Variants in GSE1 observed in about 807,000 individuals in gnomAD.
The protein encoded by GSE1 is genetic suppressor element 1.
Under a neutral mutation model 112.6 loss-of-function variants are expected in GSE1, and 32 were observed. The ratio of observed to expected loss-of-function variants is 0.28; its 90% CI spans 0.21 to 0.38. GSE1 has a LOEUF of 0.38. Among genes scored for constraint, GSE1 ranks in the 10% least tolerant of loss-of-function variants. The pLI is 1.00. For missense variants in GSE1, 2,348 were observed against 1,699.2 expected (o/e 1.38, Z -6.71); for synonymous variants, 1,115 against 735.6 (o/e 1.52, Z -8.35).
At chr16:85,542,596 T>A (rs919410878) in intron 2 of GSE1, among the ~76,000 whole-genome samples, 2 of 152,238 alleles carry the variant, frequency 1.3e-5, no homozygotes, top group Non-Finnish European at 2.9e-5. Context: ...GGAAAGGCTG[T>A]CTTTGGGACA....
chr16:85,227,936 C>T (rs1391010164), intron 1 of GSE1, among the ~76,000 whole-genome samples: 1 of 152,128 alleles, frequency 6.6e-6, no homozygotes, highest in Non-Finnish European at 1.5e-5. Flanking sequence ...AACAGATCAA[C>T]GCAGAGAACC....
intron 1 of GSE1, among the ~76,000 whole-genome samples, chr16:85,191,508 G>A (rs974375428): frequency 6.6e-6 from 1 of 152,198 alleles, no homozygotes; most frequent in Non-Finnish European, 1.5e-5. Context: ...AGTTCAGAGA[G>A]GAATGAAGGA....
At chr16:85,325,976 T>G (rs1020558299) in intron 1 of GSE1, among the ~76,000 whole-genome samples, 25 of 151,794 alleles carry the variant, frequency 1.6e-4, no homozygotes, top group African/African-American at 6.0e-4. Flanking sequence ...CTCGAACTCC[T>G]GACCTCATGA....
At chr16:85,557,347 C>A (rs76254659) in intron 1 of GSE1, among the ~76,000 whole-genome samples, 1 of 152,062 alleles carries the variant, frequency 6.6e-6, no homozygotes, top group Non-Finnish European at 1.5e-5. Flanking sequence ...TTCCTCCCTC[C>A]CTCCGAGTTG....
intron 1 of GSE1, among the ~76,000 whole-genome samples, chr16:85,178,998 A>G (rs1285080433): frequency 6.6e-6 from 1 of 152,038 alleles, no homozygotes; most frequent in Non-Finnish European, 1.5e-5. Flanking sequence ...TTGTTGTTTT[A>G]ATTGTGATAC....
chr16:85,654,499 G>A lies in GSE1; in HGVS notation c.599+49G>A, dbSNP rs201141705. On this transcript the variant is annotated intron_variant, in intron 4 of 15. Coordinates refer to ENST00000253458, the MANE Select transcript of GSE1 (RefSeq NM_014615.5). ...GGTGAGGTGGCCAGGTGGGGACACA[G>A]TGCTCAGGGTCTGGGTCCCCAGGCA... The A allele has an allele frequency of 1.9e-5, 28 of 1,481,500 alleles. No individual in the cohort carries two copies. In the East Asian group the frequency reaches 4.3e-4, roughly 23 times the overall value. 91.8% of individuals were successfully genotyped at this position (1,481,500 alleles called of 1,614,324 possible). A position where few individuals can be genotyped will look rare whatever the true frequency, so the allele number is the denominator to read the frequency against.
chr16:85,638,175 C>T (rs1157436033), intron 2 of GSE1, among the ~76,000 whole-genome samples: 2 of 152,242 alleles, frequency 1.3e-5, no homozygotes, highest in African/African-American at 2.4e-5. Context: ...CGCGTCTCTC[C>T]TCTCATTGTG....
rs199524857 is a variant in GSE1, at chr16:85,331,533, A to G, written c.2284-25930A>G. ...TGTATATATGTGTATATATGTGTAT[A>G]TGTGTATATGTGTGTATATATGTGT... is the stretch of plus-strand genomic sequence containing the variant. On this transcript the variant is annotated intron_variant, in intron 1 of 2. Coordinates refer to the GSE1 transcript ENST00000637419. 9.1e-5 allele frequency among the ~76,000 whole-genome samples: 10 copies of G among 109,876 alleles called. No homozygotes were observed. In the South Asian group the frequency reaches 1.7e-3, roughly 19 times the overall value. The allele number at this position is 109,876 out of a possible 152,430, so 72.1% of individuals were successfully genotyped here.
At chr16:85,479,925 T>A (rs1400333339) in intron 2 of GSE1, among the ~76,000 whole-genome samples, 1 of 151,962 alleles carries the variant, frequency 6.6e-6, no homozygotes, top group Non-Finnish European at 1.5e-5. Context: ...TCCTCAAAGC[T>A]CTCCATGCCT....
At chr16:85,184,854 C>T (rs548415838) in intron 1 of GSE1, among the ~76,000 whole-genome samples, 3 of 152,260 alleles carry the variant, frequency 2.0e-5, no homozygotes, top group African/African-American at 7.2e-5. Flanking sequence ...TAAGTGTACG[C>T]TCTTGAAGAA....
rs1441728308 is a variant in GSE1, at chr16:85,176,171, TA to T, written c.2283+4365del. ...GCCAAGCTAATTTTTTGTTGTTTTC[TA>T]GAGACTCTGTTGCCCTGGCTGATCT... On this transcript the variant is annotated intron_variant, in intron 1 of 2. Coordinates refer to the GSE1 transcript ENST00000637419. 2.6e-5 allele frequency among the ~76,000 whole-genome samples: 4 copies of T among 152,328 alleles called. No homozygotes were observed. The East Asian group carries it at 7.7e-4, about 29-fold the overall frequency.
intron 2 of GSE1, among the ~76,000 whole-genome samples, chr16:85,544,127 G>C (rs553274918): frequency 6.6e-6 from 1 of 152,108 alleles, no homozygotes. Flanking sequence ...GAGCCACTGC[G>C]CCAGCCTGTA....
At chr16:85,615,963 C>G (rs1414843840) in intron 1 of GSE1, among the ~76,000 whole-genome samples, 1 of 152,240 alleles carries the variant, frequency 6.6e-6, no homozygotes, top group African/African-American at 2.4e-5. Context: ...GAAGCCTCCT[C>G]CGATGGCCCC....
intron 1 of GSE1, among the ~76,000 whole-genome samples, chr16:85,628,083 A>AG (rs1312155784): frequency 6.6e-6 from 1 of 152,198 alleles, no homozygotes; most frequent in East Asian, 1.9e-4. Flanking sequence ...CAGCAGGCCC[A>AG]GGGGGACCCC....
chr16:85,208,152 A>G (rs563882959), intron 1 of GSE1, among the ~76,000 whole-genome samples: 1 of 152,124 alleles, frequency 6.6e-6, no homozygotes, highest in South Asian at 2.1e-4. Context: ...GTGACTTTGG[A>G]TGGGTCATGC....
intron 13 of GSE1, 22 bp from the exon 14 acceptor site, chr16:85,668,118 G>T (rs1366265992): frequency 6.5e-7 from 1 of 1,537,722 alleles, no homozygotes. Flanking sequence ...ACACACTGAT[G>T]CAAGCCCTGT....
rs115748406 is a variant in GSE1, at chr16:85,460,507, A to G, written c.2464+102864A>G. ...GGGAAGAAAGCACTTGGCAAAATGT[A>G]AGGTAGTTCATGTAAAGCCCAGCAC... On this transcript the variant is annotated intron_variant, in intron 2 of 2. Coordinates refer to the GSE1 transcript ENST00000637419. Among the ~76,000 whole-genome samples, 371 of 152,352 alleles carry G rather than the reference A, an allele frequency of 2.4e-3. 3 individuals carry two copies. Among genetic ancestry groups the G allele is most frequent in the African/African-American group, 8.4e-3 (351 of 41,588 alleles).
At chr16:85,250,004 T>C (rs757328521) in intron 1 of GSE1, among the ~76,000 whole-genome samples, 1 of 152,196 alleles carries the variant, frequency 6.6e-6, no homozygotes. Flanking sequence ...TCCCAAGCTG[T>C]TGCGGGGTCC....
At chr16:85,246,256 T>TACAC (rs560365750) in intron 1 of GSE1, among the ~76,000 whole-genome samples, 20 of 87,046 alleles carry the variant, frequency 2.3e-4, no homozygotes, top group Admixed American at 1.1e-3. Flanking sequence ...ACACGCTGTC[T>TACAC]ACACACACAC....
Sources: gnomAD v4.1 joint callset for allele counts (sites outside exome capture counted in the v4.1 genomes callset) on GRCh38, gnomAD v4.1.1 for gene constraint, MANE v1.5 for transcripts, NCBI Gene and HGNC (gene_info 2026-07-23, HGNC 2026-07-21) for gene names.